The following DNTT variants were observed in gnomAD, a reference collection of about 807,000 sequenced individuals.
DNTT encodes the protein DNA nucleotidylexotransferase.
In DNTT, 47 loss-of-function variants were observed where a neutral mutation model predicts 60.9. The observed-to-expected ratio is 0.77, with a 90% confidence interval of 0.61 to 0.98. DNTT has a LOEUF of 0.98. DNTT is among the 50% of genes least tolerant of loss of function. The probability of loss-of-function intolerance (pLI) is 0.00; values close to 1 mark genes in which losing one functional copy is unlikely to be tolerated. For missense variants in DNTT, 665 were observed against 627.5 expected (o/e 1.06, Z -0.64); for synonymous variants, 224 against 221.2 (o/e 1.01, Z -0.11).
chr10:96,335,839 C>T (rs1259741973), intron 9 of DNTT, 52 bp from the exon 10 acceptor site: 6 of 1,585,930 alleles, frequency 3.8e-6, no homozygotes, highest in Admixed American at 1.7e-5. Context: ...CCACCTAATA[C>T]TGAAGACATT....
In DNTT at chr10:96,322,645, A is replaced by T; in HGVS notation, c.679-12A>T. 1 of 1,578,318 alleles carries T rather than the reference A, an allele frequency of 6.3e-7. No individual in the cohort carries two copies. The highest frequency in any genetic ancestry group is 8.6e-7 in the Non-Finnish European group (1 of 1,156,892). Reference sequence around the variant, plus strand: ...CATCACTAATTTAAAATATTTTTCAACTGTCCATTAGGAGATTATTGAAGA... The same window carrying T: ...CATCACTAATTTAAAATATTTTTCATCTGTCCATTAGGAGATTATTGAAGA... On this transcript the variant is annotated splice_polypyrimidine_tract_variant and intron_variant, in intron 4 of 10. Coordinates refer to ENST00000371174, the MANE Select transcript of DNTT (RefSeq NM_004088.4).
At chr10:96,333,112 A>T (rs1845027667) in intron 9 of DNTT, among the ~76,000 whole-genome samples, 1 of 152,186 alleles carries the variant, frequency 6.6e-6, no homozygotes, top group African/African-American at 2.4e-5. Context: ...AAACCAAAAG[A>T]CTCAATAACA....
At chr10:96,327,229 TTGTCTCC>T (rs2133992262) in intron 6 of DNTT, among the ~76,000 whole-genome samples, 2 of 152,274 alleles carry the variant, frequency 1.3e-5, no homozygotes, top group East Asian at 3.9e-4. Flanking sequence ...ATGTGAAATA[TTGTCTCC>T]TTCTCAGGAA....
intron 4 of DNTT, 73 bp downstream of exon 4, chr10:96,320,861 C>T (rs1844861206): frequency 1.3e-6 from 2 of 1,564,800 alleles, no homozygotes; most frequent in East Asian, 2.3e-5. Flanking sequence ...ATGTAGCTAA[C>T]AGATTTTCCT....
At chr10:96,326,067 T>C (rs1844935756) in intron 6 of DNTT, among the ~76,000 whole-genome samples, 1 of 152,222 alleles carries the variant, frequency 6.6e-6, no homozygotes, top group African/African-American at 2.4e-5. Flanking sequence ...TGTCAACAAA[T>C]CATCATAGTC....
chr10:96,318,218 A>G, intron 1 of DNTT, 134 bp from the exon 2 acceptor site: 1 of 1,040,080 alleles, frequency 9.6e-7, no homozygotes, highest in Non-Finnish European at 1.4e-6. Context: ...GGAGGCCTAA[A>G]TTCTCCACAC....
At chr10:96,322,199 A>G (rs1844888859) in intron 4 of DNTT, among the ~76,000 whole-genome samples, 1 of 152,172 alleles carries the variant, frequency 6.6e-6, no homozygotes, top group Non-Finnish European at 1.5e-5. Context: ...ATTCAAGGAC[A>G]ATTATCCCAA....
chr10:96,307,124 G>A (rs1844647570), intron 1 of DNTT, among the ~76,000 whole-genome samples: 1 of 152,156 alleles, frequency 6.6e-6, no homozygotes, highest in Non-Finnish European at 1.5e-5. Flanking sequence ...TTAGACAAAT[G>A]TAAAGTGTAA....
chr10:96,326,089 T>C (rs947073337), intron 6 of DNTT, among the ~76,000 whole-genome samples: 1 of 152,264 alleles, frequency 6.6e-6, no homozygotes, highest in African/African-American at 2.4e-5. Context: ...TACATGTTCA[T>C]TCCTGATAGC....
intron 10 of DNTT, among the ~76,000 whole-genome samples, chr10:96,336,987 T>C (rs1785282532): frequency 6.6e-6 from 1 of 150,962 alleles, no homozygotes; most frequent in Admixed American, 6.6e-5. Context: ...TAGGAGCTTG[T>C]AGTCTAAATG....
At chr10:96,313,112 G>A (rs1844739969) in intron 1 of DNTT, among the ~76,000 whole-genome samples, 2 of 152,112 alleles carry the variant, frequency 1.3e-5, no homozygotes, top group Admixed American at 6.5e-5. Context: ...AGTTCTCTCA[G>A]AATTGCTATA....
intron 9 of DNTT, 41 bp from the exon 10 acceptor site, chr10:96,335,850 C>A: frequency 6.3e-7 from 1 of 1,599,040 alleles, no homozygotes; most frequent in Non-Finnish European, 8.6e-7. Flanking sequence ...TGAAGACATT[C>A]TAGACGTGTT....
chr10:96,309,058 T>C (rs932672072), intron 1 of DNTT, among the ~76,000 whole-genome samples: 3 of 152,320 alleles, frequency 2.0e-5, no homozygotes, highest in African/African-American at 4.8e-5. Flanking sequence ...ACCCAAATCA[T>C]TGATGCTGAG....
rs11188719 is a variant in DNTT, at chr10:96,331,392, T to C, written c.1114-959T>C. Among the ~76,000 whole-genome samples the C allele has an allele frequency of 1.0e-3, 152 of 152,304 alleles. 3 individuals are homozygous for C. The East Asian group carries it at 0.023, about 23-fold the overall frequency. On this transcript the variant is annotated intron_variant, in intron 8 of 10. Coordinates refer to ENST00000371174, the MANE Select transcript of DNTT (RefSeq NM_004088.4). ...TTACTTGGCCCATGGTTCTGCAGGA[T>C]GTATAAGAAGCACGACACCAAGCAT...
At chr10:96,316,408 T>A (rs190204609) in intron 1 of DNTT, among the ~76,000 whole-genome samples, 1 of 152,298 alleles carries the variant, frequency 6.6e-6, no homozygotes, top group South Asian at 2.1e-4. Flanking sequence ...AATCACTGTA[T>A]GTACCAGACT....
rs1447151409 is a variant in DNTT, at chr10:96,304,533, G to C, written c.36G>C (p.Arg12=). The change falls in exon 1 of 11, where the codon CGG becomes CGC. Residue 12 remains arginine (R), a synonymous_variant. Transcript: ENST00000371174. ...CACGAGCGTCCCACTTGAGCCCTCG[G>C]AAGAAGAGACCCCGGCAGACGGGTG... ...DPPRASHLSP[R]KKRPRQTGAL... is the part of the protein sequence containing the mutation. 3.1e-6 allele frequency: 5 copies of C among 1,614,006 alleles called. No homozygotes were observed. The South Asian group carries it at 5.5e-5, about 18-fold the overall frequency.
intron 6 of DNTT, among the ~76,000 whole-genome samples, chr10:96,324,626 T>C (rs932123113): frequency 2.0e-5 from 3 of 152,208 alleles, no homozygotes; most frequent in African/African-American, 7.2e-5. Context: ...ACATTGATAC[T>C]TAGCTGAGAA....
chr10:96,330,293 T>G (rs977985531), intron 8 of DNTT, among the ~76,000 whole-genome samples: 6 of 149,264 alleles, frequency 4.0e-5, no homozygotes, highest in African/African-American at 4.9e-5. Context: ...GACAGTTTAC[T>G]GTTAGGAATC....
At chr10:96,308,766 T>A (rs559503014) in intron 1 of DNTT, among the ~76,000 whole-genome samples, 1 of 152,332 alleles carries the variant, frequency 6.6e-6, no homozygotes, top group African/African-American at 2.4e-5. Flanking sequence ...AGCAATGTTT[T>A]GTGGGCAGGG....
Sources: allele counts gnomAD v4.1 joint callset (sites outside exome capture counted in the v4.1 genomes callset), GRCh38; gene constraint gnomAD v4.1.1; transcripts MANE v1.5; gene names NCBI Gene and HGNC (gene_info 2026-07-23, HGNC 2026-07-21).